CIZ1: variants seen among roughly 807,000 people sequenced by gnomAD.
CIZ1 encodes CDKN1A interacting zinc finger protein 1, also known as cip1-interacting zinc finger protein.
CIZ1 carries 58 observed loss-of-function variants against 118.6 expected under a neutral mutation model. The ratio of observed to expected loss-of-function variants is 0.49; its 90% CI spans 0.40 to 0.61. CIZ1 has a LOEUF of 0.61. Among genes scored for constraint, CIZ1 ranks in the 20% least tolerant of loss-of-function variants. CIZ1 has a pLI of 0.00. For missense variants in CIZ1, 921 were observed against 1,115.9 expected (o/e 0.83, Z 2.49); for synonymous variants, 448 against 443.4 (o/e 1.01, Z -0.13).
In CIZ1 at chr9:128,166,879, A is replaced by C. The variant is rs374054563; in HGVS notation, c.2367T>G (p.Gly789=). The C allele has an allele frequency of 2.5e-6, 4 of 1,614,094 alleles. No individual in the cohort carries two copies. The highest frequency in any genetic ancestry group is 3.4e-6 in the Non-Finnish European group (4 of 1,180,032). The part of the protein sequence containing the change: ...SETYSPNTAY[G]VDFLVPVMGY... ...CCATCACGGGCACCAGGAAGTCCAC[A>C]CCTGTAGGATGGGATGGCAGGGTCT... Residue 789 remains glycine (G), a splice_region_variant and synonymous_variant, in exon 16 of 17, where the codon GGT becomes GGG. Transcript: ENST00000372938. This position sits in a 1 kb window ranked among gnomAD's most constrained non-coding sequence, Gnocchi z 4.4.
At chr9:128,173,085 C>G (rs1440952215) in intron 11 of CIZ1, among the ~76,000 whole-genome samples, 6 of 151,586 alleles carry the variant, frequency 4.0e-5, no homozygotes, top group Non-Finnish European at 8.8e-5. Context: ...CCACCTCAGC[C>G]TCCTAAGTAG....
chr9:128,177,803 A>G (rs1199635330), intron 9 of CIZ1, 40 bp from the exon 10 acceptor site: 1 of 1,409,830 alleles, frequency 7.1e-7, no homozygotes, highest in South Asian at 1.3e-5. Context: ...TCAACTGTGT[A>G]CTTATAGTGG....
At position 128,180,495 on chromosome 9, in the gene CIZ1, G is replaced by C. The variant is rs1242019541; in HGVS notation, c.711C>G (p.Asp237Glu). ...CTGGAGTGCGTTTTTCCTTGGCGAT[G>C]TCCTCTGGGCAGGGCGGTAAATCTT... ...EDQDLPPCPE[D>E]IAKEKRTPAP... Residue 237 changes from aspartate (D) to glutamate (E), a missense_variant, in exon 7 of 17, where the codon GAC becomes GAG. Physicochemically the swap from Asp to Glu is conservative, Grantham distance 45. Transcript: ENST00000372938. 1 of 1,614,128 alleles carries C rather than the reference G, an allele frequency of 6.2e-7. No homozygotes were observed.
chr9:128,185,599 C>T lies in CIZ1; in HGVS notation c.536G>A (p.Arg179Gln), dbSNP rs1832262664. ...GGTCCGGGCCTGTTTCTGGGGGTTC[C>T]GTCCTGAAAGGTTGAACTGGGAAGG... ...MNPSQFNLSG[R>Q]NPQKQARTSS... Residue 179 changes from arginine to glutamine, a missense_variant, in exon 5 of 17, where the codon CGG becomes CAG. Transcript: ENST00000372938. 3.9e-6 allele frequency: 6 copies of T among 1,534,254 alleles called. No individual in the cohort carries two copies. The highest frequency in any genetic ancestry group is 1.8e-4 in the Middle Eastern group (1 of 5,670).
At position 128,190,845 on chromosome 9, in the gene CIZ1, G is replaced by C; in HGVS notation, c.13C>G (p.Gln5Glu). Reference protein sequence around the residue: MFSQQQQQQLQQQQQ... With the variant: MFSQEQQQQLQQQQQ... ...TGTTGCTGGAGCTGCTGCTGCTGCT[G>C]CTGGCTGAACATGGTGGCTAGGGGC... Residue 5 changes from glutamine (Q) to glutamate (E), a missense_variant, in exon 2 of 17, where the codon CAG (glutamine) becomes GAG (glutamate). Transcript: ENST00000372938. The C allele has an allele frequency of 6.5e-7, 1 of 1,543,502 alleles. No homozygotes were observed. The highest frequency in any genetic ancestry group is 8.7e-7 in the Non-Finnish European group (1 of 1,147,938).
At chr9:128,180,691 T>G in intron 6 of CIZ1, 30 bp downstream of exon 6, 1 of 1,526,364 alleles carries the variant, frequency 6.6e-7, no homozygotes, top group Middle Eastern at 1.8e-4. Flanking sequence ...TTCATGTCCC[T>G]CTGAAGGGCC....
upstream of CIZ1, among the ~76,000 whole-genome samples, chr9:128,192,635 T>A (rs1026468780): frequency 1.3e-5 from 2 of 152,184 alleles, no homozygotes; most frequent in Non-Finnish European, 2.9e-5. Context: ...CTCCGCCTCC[T>A]GGGTTCAAGT....
At position 128,174,030 on chromosome 9, in the gene CIZ1, A is replaced by C. The variant is rs113619385; in HGVS notation, c.1943+2321T>G. ...CAAAAACAAAACAAAAAAACAAAAA[A>C]AAAAAACAAAGAAATAGCTAAGGTA... On this transcript the variant is annotated intron_variant, in intron 11 of 16. Transcript: ENST00000372938. Among the ~76,000 whole-genome samples, 134 of 149,608 alleles carry C rather than the reference A, an allele frequency of 9.0e-4. 1 individual carries two copies. Among genetic ancestry groups the C allele is most frequent in the East Asian group, 2.2e-3 (11 of 5,076 alleles).
In CIZ1 at chr9:128,178,200, C is replaced by T. The variant is rs137881813; in HGVS notation, c.1620+169G>A. ...CAGCAAGAGGGTCCCATGCACACCA[C>T]TATCAAGCCCAGCCTGGTCTGGCCA... On this transcript the variant is annotated intron_variant, in intron 9 of 16. Transcript: ENST00000372938. Among the ~76,000 whole-genome samples the T allele has an allele frequency of 2.2e-4, 34 of 152,284 alleles. No homozygotes were observed. The East Asian group carries it at 6.4e-3, about 29-fold the overall frequency.
At chr9:128,189,033 G>C (rs1279220090) in intron 3 of CIZ1, among the ~76,000 whole-genome samples, 2 of 151,870 alleles carry the variant, frequency 1.3e-5, no homozygotes, top group Non-Finnish European at 2.9e-5. Flanking sequence ...TCCTGACCTC[G>C]TGATCCGCCC....
At position 128,170,022 on chromosome 9, in the gene CIZ1, T is replaced by C. The variant is rs745325186; in HGVS notation, c.2029A>G (p.Lys677Glu). ...LIQHRRTQDH[K>E]IAKQSLRPFC... Reference sequence around the variant, plus strand: ...CTGCAGCGTGCAGGCCCTCCTACCTTGTGGTCCTGTGTCCTGCGGTGTTGG... The same window carrying C: ...CTGCAGCGTGCAGGCCCTCCTACCTCGTGGTCCTGTGTCCTGCGGTGTTGG... The change falls in exon 12 of 17, where the codon AAG becomes GAG. Residue 677 changes from lysine to glutamate, a missense_variant and splice_region_variant. Coordinates refer to ENST00000372938, the MANE Select transcript of CIZ1 (RefSeq NM_001131016.2). 6.2e-7 allele frequency: 1 copy of C among 1,612,396 alleles called. No homozygotes were observed. The highest frequency in any genetic ancestry group is 8.5e-7 in the Non-Finnish European group (1 of 1,179,492).
chr9:128,168,877 A>G (rs1366803107), intron 14 of CIZ1, 175 bp downstream of exon 14: 1 of 905,754 alleles, frequency 1.1e-6, no homozygotes, highest in Non-Finnish European at 1.7e-6. Context: ...GCCACTCTCT[A>G]GTCATCATGC....
chr9:128,174,214 G>A (rs960221899), intron 11 of CIZ1, among the ~76,000 whole-genome samples: 5 of 152,190 alleles, frequency 3.3e-5, no homozygotes, highest in Non-Finnish European at 7.4e-5. Context: ...GGTTTGGGTA[G>A]AGCTGGCCTG....
chr9:128,185,519 C>A, intron 5 of CIZ1, 28 bp downstream of exon 5: 1 of 1,433,060 alleles, frequency 7.0e-7, no homozygotes, highest in South Asian at 1.4e-5. Context: ...TCCCCTCCCG[C>A]CCACTCCCAT....
chr9:128,178,885 G>A lies in CIZ1; in HGVS notation c.1322C>T (p.Pro441Leu). 6.2e-7 allele frequency: 1 copy of A among 1,614,244 alleles called. No homozygotes were observed. The highest frequency in any genetic ancestry group is 8.5e-7 in the Non-Finnish European group (1 of 1,180,036). Reference protein sequence around the residue: ...TYPQVHTQAQPSVQPQEHPPA... With the variant: ...TYPQVHTQAQLSVQPQEHPPA... ...AGGATGCTCCTGTGGCTGGACGCTT[G>A]GCTGTGCCTGTGTGTGGACCTGTGG... Residue 441 changes from proline (P) to leucine (L), a missense_variant, in exon 8 of 17, where the codon CCA (proline) becomes CTA (leucine). Transcript: ENST00000372938.
intron 3 of CIZ1, among the ~76,000 whole-genome samples, chr9:128,189,854 A>AAAAGGAGC: frequency 6.9e-6 from 1 of 143,920 alleles, no homozygotes; most frequent in South Asian, 2.2e-4. Flanking sequence ...AAAAAAAAAA[A>AAAAGGAGC]AAAGGAGCAG....
At chr9:128,172,281 C>G (rs1222561842) in intron 11 of CIZ1, among the ~76,000 whole-genome samples, 3 of 151,986 alleles carry the variant, frequency 2.0e-5, no homozygotes, top group Non-Finnish European at 4.4e-5. Context: ...TCACTGAGGT[C>G]AGGAGTTCAA....
chr9:128,167,517 A>T, intron 14 of CIZ1: 5 of 213,848 alleles, frequency 2.3e-5, no homozygotes, highest in Admixed American at 1.1e-4. Flanking sequence ...GAAGAAACTG[A>T]GGCCCAGGGA....
At chr9:128,169,319 G>T in intron 13 of CIZ1, 87 bp downstream of exon 13, 1 of 1,434,748 alleles carries the variant, frequency 7.0e-7, no homozygotes, top group Non-Finnish European at 9.8e-7. Flanking sequence ...GTGAGTTTGG[G>T]CTGGGATAAA....
Sources: gnomAD v4.1 joint callset for allele counts (sites outside exome capture counted in the v4.1 genomes callset) on GRCh38, gnomAD v4.1.1 for gene constraint, Gnocchi (gnomAD v3.1) non-coding constraint, MANE v1.5 for transcripts, NCBI Gene and HGNC (gene_info 2026-07-23, HGNC 2026-07-21) for gene names.